The following ZNF226 variants were observed in gnomAD, a reference collection of about 807,000 sequenced individuals.
ZNF226 encodes Kruppel-associated box protein.
In ZNF226, 6 loss-of-function variants were observed where a neutral mutation model predicts 11.4. That is an observed-to-expected ratio of 0.53 (90% CI 0.29 to 1.04). The LOEUF (loss-of-function observed/expected upper bound fraction) is 1.04, where lower values mean the gene tolerates loss of function less well. Among genes scored for constraint, ZNF226 ranks in the 50% least tolerant of loss-of-function variants. The pLI is 0.08. For synonymous variants in ZNF226, 350 were observed against 322.8 expected, an observed-to-expected ratio of 1.08 and a Z score of -0.90; for missense variants, 1,058 against 956.5, an observed-to-expected ratio of 1.11 and a Z score of -1.40.
the ZNF226 span, among the ~76,000 whole-genome samples, chr19:44,188,059 A>G: frequency 6.6e-6 from 1 of 152,122 alleles, no homozygotes; most frequent in Non-Finnish European, 1.5e-5. Context: ...TCTATCTTGG[A>G]GAATGTTTCA....
At chr19:44,172,667 T>G in intron 4 of ZNF226, 193 bp from the exon 5 acceptor site, 1 of 556,000 alleles carries the variant, frequency 1.8e-6, no homozygotes, top group Non-Finnish European at 3.2e-6. Context: ...CAAACTTGGT[T>G]TTCATAATAT....
At chr19:44,192,976 C>T in the ZNF226 span, among the ~76,000 whole-genome samples, 1 of 151,950 alleles carries the variant, frequency 6.6e-6, no homozygotes, top group African/African-American at 2.4e-5. Context: ...AAATTTTTTC[C>T]ATAAGATTCA....
In ZNF226 at chr19:44,176,701, G is replaced by A; in HGVS notation, c.1439G>A (p.Cys480Tyr). The change falls in exon 6 of 6, where the codon TGT becomes TAT. Residue 480 changes from cysteine (C) to tyrosine (Y), a missense_variant. By Grantham distance (194) the Cys-to-Tyr change is radical. Coordinates refer to ENST00000337433, the MANE Select transcript of ZNF226 (RefSeq NM_001032373.2). ...GAGAAGTCATACATATGTACTGTAT[G>A]TGGGAAAGGCTTTACTCTGAGTTCA... ...TGEKSYICTV[C>Y]GKGFTLSSNL... 6.2e-7 allele frequency: 1 copy of A among 1,614,148 alleles called. No homozygotes were observed. Among genetic ancestry groups the A allele is most frequent in the Non-Finnish European group, 8.5e-7 (1 of 1,180,022 alleles).
At chr19:44,173,436 TC>T (rs1970349745) in intron 5 of ZNF226, 1 of 169,304 alleles carries the variant, frequency 5.9e-6, no homozygotes, top group Non-Finnish European at 1.2e-5. Context: ...CCTTCTTCAT[TC>T]ATTTCTTTGC....
intron 3 of ZNF226, among the ~76,000 whole-genome samples, 173 bp downstream of exon 3, chr19:44,170,268 G>A (rs999330042): frequency 3.3e-5 from 5 of 152,166 alleles, no homozygotes; most frequent in South Asian, 2.1e-4. Context: ...GTTTTATTTC[G>A]TCATTTTTAT....
At chr19:44,182,040 A>T (rs1454290991), downstream of ZNF226, among the ~76,000 whole-genome samples, 1 of 152,200 alleles carries the variant, frequency 6.6e-6, no homozygotes, top group Admixed American at 6.5e-5. Flanking sequence ...ACAATGATGG[A>T]TTAGGCTGGA....
downstream of ZNF226, among the ~76,000 whole-genome samples, chr19:44,181,049 T>TTG (rs2122542446): frequency 6.6e-6 from 1 of 152,296 alleles, no homozygotes; most frequent in South Asian, 2.1e-4. Context: ...AGACAGCTAG[T>TTG]TGTGTGTCCA....
the ZNF226 span, among the ~76,000 whole-genome samples, chr19:44,185,015 A>G: frequency 1.3e-5 from 2 of 152,146 alleles, no homozygotes; most frequent in South Asian, 2.1e-4. Context: ...AGACTCTTAC[A>G]GTATTTGCCC....
At chr19:44,199,066 G>GTGCT in the ZNF226 span, among the ~76,000 whole-genome samples, 2 of 152,202 alleles carry the variant, frequency 1.3e-5, no homozygotes, top group African/African-American at 4.8e-5. Context: ...GCTTCCCAAA[G>GTGCT]TGCTGGGTTA....
In ZNF226 at chr19:44,175,979, T is replaced by G. The variant is rs1389534584; in HGVS notation, c.717T>G (p.Phe239Leu). 1 of 1,613,904 alleles carries G rather than the reference T, an allele frequency of 6.2e-7. No homozygotes were observed. The highest frequency in any genetic ancestry group is 8.5e-7 in the Non-Finnish European group (1 of 1,179,880). The change falls in exon 6 of 6, where the codon TTT (phenylalanine) becomes TTG (leucine). Residue 239 changes from phenylalanine to leucine, a missense_variant. Coordinates refer to ENST00000337433, the MANE Select transcript of ZNF226 (RefSeq NM_001032373.2). ...AAGACAACATGAAGATTTTGACATT[T>G]GATCACAATAGCATGATTCACACAG... ...YEKDNMKILT[F>L]DHNSMIHTGQ...
At chr19:44,179,726 A>G (rs963825889), downstream of ZNF226, among the ~76,000 whole-genome samples, 2 of 152,230 alleles carry the variant, frequency 1.3e-5, no homozygotes, top group Admixed American at 1.3e-4. Context: ...ATTGGGGGAA[A>G]TGGCTGGGCC....
the ZNF226 span, among the ~76,000 whole-genome samples, chr19:44,185,603 G>A: frequency 6.6e-6 from 1 of 151,660 alleles, no homozygotes; most frequent in East Asian, 1.9e-4. Context: ...ATTATTTGGG[G>A]TTTTTTTGTT....
chr19:44,179,651 T>A (rs918950339), downstream of ZNF226, among the ~76,000 whole-genome samples: 1 of 152,348 alleles, frequency 6.6e-6, no homozygotes, highest in South Asian at 2.1e-4. Context: ...CTTGACAGAC[T>A]TACTCACTGG....
At chr19:44,167,008 T>C (rs1343846717) in intron 2 of ZNF226, 1 of 152,190 alleles carries the variant, frequency 6.6e-6, no homozygotes, top group Non-Finnish European at 1.5e-5. Flanking sequence ...AGAACCCTAC[T>C]CAGTCCAGTG....
At chr19:44,181,123 A>G (rs1970900579), downstream of ZNF226, among the ~76,000 whole-genome samples, 1 of 152,196 alleles carries the variant, frequency 6.6e-6, no homozygotes, top group Non-Finnish European at 1.5e-5. Flanking sequence ...TCACACCTGT[A>G]ATCCCAGCCC....
At chr19:44,170,341 A>G (rs1329764889) in intron 3 of ZNF226, among the ~76,000 whole-genome samples, 1 of 152,208 alleles carries the variant, frequency 6.6e-6, no homozygotes, top group Non-Finnish European at 1.5e-5. Flanking sequence ...TCACACCTGT[A>G]ATCCCAGCAC....
the ZNF226 span, among the ~76,000 whole-genome samples, chr19:44,194,856 T>G: frequency 6.6e-6 from 1 of 152,216 alleles, no homozygotes; most frequent in Non-Finnish European, 1.5e-5. Flanking sequence ...AGTAATATAC[T>G]GTGCCATTTA....
intron 3 of ZNF226, among the ~76,000 whole-genome samples, chr19:44,171,324 G>A (rs953446425): frequency 7.9e-5 from 12 of 152,218 alleles, no homozygotes; most frequent in Middle Eastern, 6.8e-3. Context: ...GCTTCACCCA[G>A]AAAAAATATT....
At chr19:44,196,490 G>A in the ZNF226 span, among the ~76,000 whole-genome samples, 1 of 152,106 alleles carries the variant, frequency 6.6e-6, no homozygotes, top group East Asian at 1.9e-4. Flanking sequence ...TTCTTCAAAG[G>A]GGACTACCAA....
Sources: gnomAD v4.1 joint callset for allele counts (sites outside exome capture counted in the v4.1 genomes callset) on GRCh38, gnomAD v4.1.1 for gene constraint, MANE v1.5 for transcripts, NCBI Gene and HGNC (gene_info 2026-07-23, HGNC 2026-07-21) for gene names.